ATP6V1G3: variants seen among roughly 807,000 people sequenced by gnomAD.
The protein encoded by ATP6V1G3 is V-type proton ATPase subunit G 3.
A neutral mutation model predicts 9.3 loss-of-function variants in ATP6V1G3; 9 were observed. The ratio of observed to expected loss-of-function variants is 0.97; its 90% CI spans 0.59 to 1.69. The LOEUF (loss-of-function observed/expected upper bound fraction) is 1.69. Among genes scored for constraint, ATP6V1G3 ranks in the 40% most tolerant of loss-of-function variants. The probability of loss-of-function intolerance (pLI) is 0.00; values close to 1 mark genes in which losing one functional copy is unlikely to be tolerated. For synonymous variants in ATP6V1G3, 43 were observed against 43.8 expected, an observed-to-expected ratio of 0.98 and a Z score of 0.07; for missense variants, 133 against 139.0, an observed-to-expected ratio of 0.96 and a Z score of 0.22.
At chr1:198,535,189 C>T (rs561567331) in intron 1 of ATP6V1G3, among the ~76,000 whole-genome samples, 1 of 152,214 alleles carries the variant, frequency 6.6e-6, no homozygotes, top group South Asian at 2.1e-4. Context: ...AATACACTTA[C>T]AAATACCCTG....
chr1:198,525,530 TATG>T (rs1250743651), intron 2 of ATP6V1G3, among the ~76,000 whole-genome samples: 1 of 152,138 alleles, frequency 6.6e-6, no homozygotes, highest in Non-Finnish European at 1.5e-5. Flanking sequence ...AAAAGTGTAA[TATG>T]AGCCACAAAG....
chr1:198,526,279 A>G (rs1414418259), intron 2 of ATP6V1G3, among the ~76,000 whole-genome samples: 2 of 152,290 alleles, frequency 1.3e-5, no homozygotes, highest in South Asian at 2.1e-4. Context: ...TAAGTGGCAC[A>G]AAGACAAGAA....
chr1:198,540,084 G>C (rs986602393), intron 1 of ATP6V1G3, among the ~76,000 whole-genome samples: 4 of 151,856 alleles, frequency 2.6e-5, no homozygotes, highest in Admixed American at 6.6e-5. Flanking sequence ...AATAAAAAGA[G>C]AGGTAGAAAA....
At chr1:198,538,772 G>T (rs1057170734) in intron 1 of ATP6V1G3, among the ~76,000 whole-genome samples, 1 of 151,530 alleles carries the variant, frequency 6.6e-6, no homozygotes, top group Admixed American at 6.6e-5. Flanking sequence ...GTGTGGTGGC[G>T]TGTGTCTGTG....
At chr1:198,526,855 AC>A (rs2103131429) in intron 2 of ATP6V1G3, among the ~76,000 whole-genome samples, 1 of 152,248 alleles carries the variant, frequency 6.6e-6, no homozygotes, top group Admixed American at 6.5e-5. Flanking sequence ...GATCTATCTG[AC>A]TTTTACTTGT....
At chr1:198,525,976 T>G (rs1029402197) in intron 2 of ATP6V1G3, among the ~76,000 whole-genome samples, 5 of 152,212 alleles carry the variant, frequency 3.3e-5, no homozygotes, top group African/African-American at 9.6e-5. Flanking sequence ...TTTCACTGAT[T>G]GTTTTACTTG....
chr1:198,530,790 T>C (rs1164580671), intron 1 of ATP6V1G3, among the ~76,000 whole-genome samples: 1 of 152,136 alleles, frequency 6.6e-6, no homozygotes, highest in Non-Finnish European at 1.5e-5. Context: ...TAGGAAAAAC[T>C]ATTCCTTGAT....
intron 1 of ATP6V1G3, among the ~76,000 whole-genome samples, chr1:198,534,895 G>T (rs760655312): frequency 6.6e-6 from 1 of 152,208 alleles, no homozygotes; most frequent in South Asian, 2.1e-4. Context: ...TTTTCCCAGT[G>T]ACTACAAACA....
At chr1:198,532,073 G>A (rs1009895917) in intron 1 of ATP6V1G3, among the ~76,000 whole-genome samples, 36 of 152,180 alleles carry the variant, frequency 2.4e-4, no homozygotes, top group African/African-American at 7.2e-4. Context: ...TTTAATTGGA[G>A]GTATGCAGAC....
intron 2 of ATP6V1G3, among the ~76,000 whole-genome samples, chr1:198,524,435 T>G (rs1435063784): frequency 6.6e-6 from 1 of 152,172 alleles, no homozygotes; most frequent in Non-Finnish European, 1.5e-5. Flanking sequence ...CGAAGTGTGT[T>G]TCTTTGGGTA....
intron 2 of ATP6V1G3, among the ~76,000 whole-genome samples, chr1:198,524,185 C>T (rs1484570070): frequency 6.8e-6 from 1 of 148,076 alleles, no homozygotes; most frequent in South Asian, 2.1e-4. Context: ...AGTGCAATAG[C>T]GTAGTCTTGG....
At chr1:198,540,823 G>A, upstream of ATP6V1G3, 1 of 645,046 alleles carries the variant, frequency 1.6e-6, no homozygotes, top group Non-Finnish European at 2.7e-6. Flanking sequence ...GAAAGCCCAA[G>A]GTGGAATCTA....
intron 2 of ATP6V1G3, among the ~76,000 whole-genome samples, chr1:198,527,376 T>C (rs898364747): frequency 2.6e-5 from 4 of 152,252 alleles, no homozygotes; most frequent in African/African-American, 9.6e-5. Context: ...ATTATTTAAT[T>C]ATTAACCAAA....
intron 1 of ATP6V1G3, among the ~76,000 whole-genome samples, chr1:198,532,853 G>A (rs1659958075): frequency 6.6e-6 from 1 of 152,074 alleles, no homozygotes; most frequent in Non-Finnish European, 1.5e-5. Context: ...AAAGAGAACA[G>A]GATATTCAAT....
intron 2 of ATP6V1G3, among the ~76,000 whole-genome samples, chr1:198,527,191 GCA>G (rs1659688753): frequency 6.6e-6 from 1 of 152,142 alleles, no homozygotes; most frequent in Non-Finnish European, 1.5e-5. Context: ...AAGTGGAATA[GCA>G]ATATGCCTGA....
At chr1:198,528,386 G>A (rs1374476486) in intron 2 of ATP6V1G3, among the ~76,000 whole-genome samples, 1 of 151,870 alleles carries the variant, frequency 6.6e-6, no homozygotes, top group Non-Finnish European at 1.5e-5. Flanking sequence ...TTTTTATTGA[G>A]GCCAAAATAA....
At chr1:198,533,239 G>A (rs1451747166) in intron 1 of ATP6V1G3, among the ~76,000 whole-genome samples, 2 of 151,618 alleles carry the variant, frequency 1.3e-5, no homozygotes, top group Non-Finnish European at 2.9e-5. Flanking sequence ...AGGAGGCAGA[G>A]GCTCAGTGAG....
At chr1:198,527,263 A>G (rs975501667) in intron 2 of ATP6V1G3, among the ~76,000 whole-genome samples, 2 of 152,146 alleles carry the variant, frequency 1.3e-5, no homozygotes, top group African/African-American at 2.4e-5. Context: ...AAATGCTCGA[A>G]GTAGCTGAGG....
intron 1 of ATP6V1G3, chr1:198,536,558 TA>T: frequency 1.3e-6 from 1 of 763,530 alleles, no homozygotes; most frequent in Non-Finnish European, 2.1e-6. Flanking sequence ...TGATTTCATC[TA>T]AATTCAACCA....
Sources: allele counts gnomAD v4.1 joint callset (sites outside exome capture counted in the v4.1 genomes callset), GRCh38; gene constraint gnomAD v4.1.1; transcripts MANE v1.5; gene names NCBI Gene and HGNC (gene_info 2026-07-23, HGNC 2026-07-21).